DRC8: variants seen among roughly 807,000 people sequenced by gnomAD.
DRC8 encodes dynein regulatory complex subunit 8.
the DRC8 span, among the ~76,000 whole-genome samples, chr1:245,053,641 CTT>C: frequency 1.1e-4 from 17 of 152,200 alleles, no homozygotes; most frequent in African/African-American, 4.1e-4. Context: ...GCAAAAGAAT[CTT>C]TGCCTTTTTT....
the DRC8 span, among the ~76,000 whole-genome samples, chr1:245,032,387 A>G: frequency 1.3e-5 from 2 of 152,228 alleles, no homozygotes; most frequent in Non-Finnish European, 2.9e-5. Context: ...TAGTTACACC[A>G]GCTCCTAACC....
At chr1:244,972,543 G>T in the DRC8 span, among the ~76,000 whole-genome samples, 4 of 152,148 alleles carry the variant, frequency 2.6e-5, no homozygotes, top group African/African-American at 9.7e-5. Flanking sequence ...CGAGAAGGCC[G>T]GGCGCGGTGG....
At chr1:245,077,034 T>C in the DRC8 span, among the ~76,000 whole-genome samples, 74 of 152,260 alleles carry the variant, frequency 4.9e-4, no homozygotes, top group African/African-American at 1.7e-3. Context: ...TCTGAATATC[T>C]GCTCTGCTTG....
chr1:245,073,971 C>G, the DRC8 span, among the ~76,000 whole-genome samples: 1 of 152,150 alleles, frequency 6.6e-6, no homozygotes, highest in South Asian at 2.1e-4. Context: ...CACAAAGACA[C>G]TATTGAAGAT....
the DRC8 span, chr1:245,082,131 C>A: frequency 6.2e-7 from 1 of 1,612,874 alleles, no homozygotes; most frequent in Non-Finnish European, 8.5e-7. Context: ...AAAATTTCTT[C>A]CGGTGATGAC....
the DRC8 span, among the ~76,000 whole-genome samples, chr1:244,979,282 C>T: frequency 5.0e-5 from 7 of 138,804 alleles, no homozygotes; most frequent in South Asian, 9.3e-4. Context: ...AGGAGATAAC[C>T]GAAGCTTATC....
the DRC8 span, among the ~76,000 whole-genome samples, chr1:244,998,700 A>G: frequency 1.8e-4 from 28 of 152,318 alleles, no homozygotes; most frequent in Middle Eastern, 0.014. Flanking sequence ...ACCAGCTTGG[A>G]AAATGGGCAG....
chr1:245,082,037 A>G, the DRC8 span: 1 of 1,469,626 alleles, frequency 6.8e-7, no homozygotes, highest in South Asian at 1.1e-5. Flanking sequence ...GTTGCTGAAT[A>G]CATTTGTTGA....
the DRC8 span, among the ~76,000 whole-genome samples, chr1:245,022,167 A>G: frequency 6.9e-6 from 1 of 144,932 alleles, no homozygotes; most frequent in Non-Finnish European, 1.5e-5. Flanking sequence ...TTTTTTTTCC[A>G]GACAGTCTCA....
chr1:244,996,263 C>T, the DRC8 span, among the ~76,000 whole-genome samples: 5 of 151,710 alleles, frequency 3.3e-5, no homozygotes, highest in Admixed American at 1.3e-4. Flanking sequence ...GCTGGTTTCC[C>T]GCAGGACTCG....
At chr1:245,024,492 T>A in the DRC8 span, among the ~76,000 whole-genome samples, 1 of 152,054 alleles carries the variant, frequency 6.6e-6, no homozygotes, top group Admixed American at 6.5e-5. Flanking sequence ...TTTTTCCCAA[T>A]CTAATATGTG....
At chr1:245,025,119 A>G in the DRC8 span, among the ~76,000 whole-genome samples, 1 of 152,086 alleles carries the variant, frequency 6.6e-6, no homozygotes, top group Non-Finnish European at 1.5e-5. Flanking sequence ...AACGAATGTC[A>G]TTTCGAGTAG....
chr1:245,082,173 AAATGCAATTGTT>A, the DRC8 span: 1 of 1,604,138 alleles, frequency 6.2e-7, no homozygotes, highest in Non-Finnish European at 8.5e-7. Flanking sequence ...GTAAGTAAGT[AAATGCAATTGTT>A]AAGGCAAAGT....
chr1:245,053,868 C>G, the DRC8 span, among the ~76,000 whole-genome samples: 1 of 152,038 alleles, frequency 6.6e-6, no homozygotes, highest in East Asian at 1.9e-4. Context: ...AAGAACTTGC[C>G]ATTCTCTCAC....
At chr1:245,081,925 TA>T in the DRC8 span, among the ~76,000 whole-genome samples, 19 of 152,322 alleles carry the variant, frequency 1.2e-4, no homozygotes, top group East Asian at 9.6e-4. Flanking sequence ...AGGTAAATCT[TA>T]AAAAGATAAA....
chr1:245,004,695 T>G, the DRC8 span, among the ~76,000 whole-genome samples: 1 of 152,216 alleles, frequency 6.6e-6, no homozygotes, highest in Non-Finnish European at 1.5e-5. Flanking sequence ...CAGATTAACA[T>G]AAAACAGACA....
chr1:244,979,742 C>T, the DRC8 span, among the ~76,000 whole-genome samples: 1 of 151,818 alleles, frequency 6.6e-6, no homozygotes, highest in Admixed American at 6.6e-5. Context: ...ACTCCCAGCC[C>T]CAGGCTTATC....
At chr1:244,970,388 G>A in the DRC8 span, 3 of 1,537,066 alleles carry the variant, frequency 2.0e-6, no homozygotes, top group East Asian at 2.5e-5. Context: ...TTATCGTTAG[G>A]CATCTCCCAG....
At chr1:244,977,616 C>G in the DRC8 span, among the ~76,000 whole-genome samples, 1 of 152,108 alleles carries the variant, frequency 6.6e-6, no homozygotes, top group African/African-American at 2.4e-5. Flanking sequence ...AAGCTTCTTC[C>G]TTCTCCTTTC....
Sources: allele counts gnomAD v4.1 joint callset (sites outside exome capture counted in the v4.1 genomes callset), GRCh38; gene constraint gnomAD v4.1.1; transcripts MANE v1.5; gene names NCBI Gene and HGNC (gene_info 2026-07-23, HGNC 2026-07-21).